Variants in CCDC30 observed in about 807,000 individuals in gnomAD.
CCDC30 encodes coiled-coil domain containing 30.
A neutral mutation model predicts 100.2 loss-of-function variants in CCDC30; 70 were observed. The observed-to-expected ratio is 0.70, with a 90% CI of 0.58 to 0.85. CCDC30 has a LOEUF of 0.85. CCDC30 is among the 40% of genes least tolerant of loss of function. The pLI, the probability that CCDC30 is intolerant of heterozygous loss-of-function variation, is 0.00. For synonymous variants in CCDC30, 233 were observed against 269.5 expected, an observed-to-expected ratio of 0.86 and a Z score of 1.33; for missense variants, 652 against 771.2, an observed-to-expected ratio of 0.85 and a Z score of 1.83.
At chr1:42,495,976 C>T (rs1016425389) in intron 4 of CCDC30, among the ~76,000 whole-genome samples, 2 of 152,052 alleles carry the variant, frequency 1.3e-5, no homozygotes, top group Admixed American at 6.6e-5. Context: ...AGTGACTATA[C>T]GAGGCATACT....
At chr1:42,585,017 C>T (rs1646041212) in intron 9 of CCDC30, among the ~76,000 whole-genome samples, 1 of 152,000 alleles carries the variant, frequency 6.6e-6, no homozygotes, top group African/African-American at 2.4e-5. Context: ...ATCATCTGGG[C>T]CTAGTGCTTT....
At chr1:42,479,668 C>T (rs1440678048) in intron 1 of CCDC30, among the ~76,000 whole-genome samples, 4 of 151,608 alleles carry the variant, frequency 2.6e-5, no homozygotes, top group Non-Finnish European at 4.4e-5. Flanking sequence ...ATACATGACA[C>T]CTGACACTGG....
At chr1:42,634,751 A>G (rs1158451320) in intron 11 of CCDC30, among the ~76,000 whole-genome samples, 1 of 152,166 alleles carries the variant, frequency 6.6e-6, no homozygotes, top group African/African-American at 2.4e-5. Flanking sequence ...GTATAGTTCA[A>G]TGGCTTTTGT....
intron 6 of CCDC30, chr1:42,510,213 T>C: frequency 1.4e-6 from 1 of 706,980 alleles, no homozygotes. Context: ...TTACTCTCTC[T>C]ATTTTCTCTT....
chr1:42,631,814 C>G (rs1310293375), intron 11 of CCDC30, among the ~76,000 whole-genome samples: 1 of 152,076 alleles, frequency 6.6e-6, no homozygotes, highest in African/African-American at 2.4e-5. Flanking sequence ...CCTTAAGGCC[C>G]AGTGTCTCCT....
At position 42,627,667 on chromosome 1, in the gene CCDC30, C is replaced by G. The variant is rs112743568; in HGVS notation, c.1278-9570C>G. On this transcript the variant is annotated intron_variant, in intron 11 of 16. Coordinates refer to ENST00000668663, the Ensembl canonical transcript of CCDC30. Reference sequence around the variant, plus strand: ...TGTGTCCCAGCCACTCCAGCCATGGCTGAAAGGGGCCAACTTAGCACTTGG... The same window carrying G: ...TGTGTCCCAGCCACTCCAGCCATGGGTGAAAGGGGCCAACTTAGCACTTGG... Among the ~76,000 whole-genome samples the G allele has an allele frequency of 8.3e-4, 127 of 152,314 alleles. 1 individual carries two copies. The highest frequency in any genetic ancestry group is 2.6e-3 in the African/African-American group (110 of 41,554).
intron 6 of CCDC30, among the ~76,000 whole-genome samples, chr1:42,535,882 T>C (rs1463842509): frequency 1.3e-5 from 2 of 148,756 alleles, no homozygotes; most frequent in African/African-American, 5.0e-5. Flanking sequence ...AAATTCACTT[T>C]GGCAAGGCTG....
intron 6 of CCDC30, among the ~76,000 whole-genome samples, chr1:42,516,571 CAAAA>C (rs61638436): frequency 2.0e-5 from 2 of 102,150 alleles, no homozygotes; most frequent in Admixed American, 1.1e-4. Flanking sequence ...GACTCCATCT[CAAAA>C]AAAAAAAAAA....
intron 1 of CCDC30, among the ~76,000 whole-genome samples, chr1:42,468,079 G>A (rs1228515038): frequency 2.0e-5 from 3 of 152,206 alleles, no homozygotes; most frequent in Non-Finnish European, 2.9e-5. Context: ...GCCACATTTA[G>A]TTTCCAGCAT....
intron 6 of CCDC30, among the ~76,000 whole-genome samples, chr1:42,525,807 C>T (rs1488671237): frequency 6.6e-6 from 1 of 152,112 alleles, no homozygotes; most frequent in African/African-American, 2.4e-5. Flanking sequence ...TAGTCCTACC[C>T]TTATGGTGTG....
At chr1:42,602,215 G>GGA (rs1553121485) in intron 10 of CCDC30, among the ~76,000 whole-genome samples, 1 of 147,790 alleles carries the variant, frequency 6.8e-6, no homozygotes, top group African/African-American at 2.5e-5. Flanking sequence ...AAAGTAAGCT[G>GGA]AAAAAAAAAG....
intron 11 of CCDC30, among the ~76,000 whole-genome samples, chr1:42,616,301 C>T (rs1646726056): frequency 6.6e-6 from 1 of 152,102 alleles, no homozygotes; most frequent in Non-Finnish European, 1.5e-5. Context: ...GGATTCTGAC[C>T]CCGCTGCACA....
At chr1:42,523,344 C>A (rs1644676603) in intron 6 of CCDC30, among the ~76,000 whole-genome samples, 1 of 152,122 alleles carries the variant, frequency 6.6e-6, no homozygotes, top group South Asian at 2.1e-4. Flanking sequence ...TTCTGAAGGA[C>A]CAGTTTTGCC....
intron 6 of CCDC30, among the ~76,000 whole-genome samples, chr1:42,517,478 A>G (rs1178608382): frequency 6.6e-6 from 1 of 152,220 alleles, no homozygotes; most frequent in African/African-American, 2.4e-5. Flanking sequence ...GTCATATCCA[A>G]GAAATCATTG....
intron 6 of CCDC30, among the ~76,000 whole-genome samples, chr1:42,559,498 T>C (rs1645441912): frequency 6.6e-6 from 1 of 152,108 alleles, no homozygotes; most frequent in Non-Finnish European, 1.5e-5. Flanking sequence ...GCAATCCTAG[T>C]CTCTGACAAA....
chr1:42,656,403 G>A (rs1648659099), downstream of CCDC30, among the ~76,000 whole-genome samples: 1 of 152,208 alleles, frequency 6.6e-6, no homozygotes, highest in African/African-American at 2.4e-5. Context: ...GGCCGAGGCA[G>A]GTGGATCACT....
chr1:42,569,157 G>T (rs140483186), intron 7 of CCDC30: 4 of 152,056 alleles, frequency 2.6e-5, no homozygotes, highest in Admixed American at 1.3e-4. Flanking sequence ...AAGAGTTTCC[G>T]CACAGCAAAA....
chr1:42,656,473 A>G (rs1253968000), downstream of CCDC30, among the ~76,000 whole-genome samples: 2 of 152,160 alleles, frequency 1.3e-5, no homozygotes, highest in African/African-American at 4.8e-5. Context: ...TCTACTAAAA[A>G]TACAAAAATT....
rs376096755 is a variant in CCDC30, at chr1:42,574,391, T to G, written c.637-2629T>G. Among the ~76,000 whole-genome samples, 14 of 152,136 alleles carry G rather than the reference T, an allele frequency of 9.2e-5. 1 individual carries two copies. The East Asian group carries it at 1.5e-3, about 17-fold the overall frequency. On this transcript the variant is annotated intron_variant, in intron 7 of 16. Transcript: ENST00000668663. ...AAATTTTTTAAAGTTTTACAGAAAT[T>G]TATTAATCTTGTCTTCTTTTTAAAA... is the stretch of plus-strand genomic sequence containing the variant.
Sources: gnomAD v4.1 joint callset for allele counts (sites outside exome capture counted in the v4.1 genomes callset) on GRCh38, gnomAD v4.1.1 for gene constraint, MANE v1.5 for transcripts, NCBI Gene and HGNC (gene_info 2026-07-23, HGNC 2026-07-21) for gene names.